The following SUGP1 variants were observed in gnomAD, a reference collection of about 807,000 sequenced individuals.
The protein encoded by SUGP1 is SURP and G-patch domain containing 1.
In SUGP1, 34 loss-of-function variants were observed where a neutral mutation model predicts 76.5. That is an observed-to-expected ratio of 0.44 (90% CI 0.34 to 0.59). The LOEUF (loss-of-function observed/expected upper bound fraction) is 0.59, where lower values mean the gene tolerates loss of function less well. Among genes scored for constraint, SUGP1 ranks in the 20% least tolerant of loss-of-function variants. SUGP1 has a pLI of 0.01. For missense variants in SUGP1, 752 were observed against 851.7 expected, an observed-to-expected ratio of 0.88 and a Z score of 1.46; for synonymous variants, 326 against 326.2, an observed-to-expected ratio of 1.00 and a Z score of 0.01.
chr19:19,318,866 T>C (rs988527082), intron 1 of SUGP1, among the ~76,000 whole-genome samples: 1 of 152,142 alleles, frequency 6.6e-6, no homozygotes, highest in African/African-American at 2.4e-5. Flanking sequence ...AGGGTGATAG[T>C]ATGGAGACAG....
chr19:19,296,363 C>T (rs1338297397), intron 8 of SUGP1, among the ~76,000 whole-genome samples: 1 of 151,068 alleles, frequency 6.6e-6, no homozygotes, highest in Non-Finnish European at 1.5e-5. Context: ...CGAAACCAGC[C>T]TGGCCAACAT....
At chr19:19,278,058 C>A (rs184407677) in intron 11 of SUGP1, among the ~76,000 whole-genome samples, 179 bp from the exon 12 acceptor site, 1 of 152,162 alleles carries the variant, frequency 6.6e-6, no homozygotes, top group Non-Finnish European at 1.5e-5. Flanking sequence ...TCAGGGTCCC[C>A]GGGGCCTTAG....
rs746161608 is a variant in SUGP1, at chr19:19,303,921, C to G, written c.539-74G>C. The G allele has an allele frequency of 6.8e-6, 11 of 1,606,844 alleles. No homozygotes were observed. The African/African-American group carries it at 1.2e-4, about 18-fold the overall frequency. On this transcript the variant is annotated intron_variant, in intron 4 of 13. Transcript: ENST00000247001. ...CAATAGGCACACTCTCTCTATGGAC[C>G]ACAACGACAGAGGGGGTGGGGGGAG...
At chr19:19,286,423 T>A (rs540043491) in intron 8 of SUGP1, among the ~76,000 whole-genome samples, 2 of 152,308 alleles carry the variant, frequency 1.3e-5, no homozygotes, top group East Asian at 3.9e-4. Context: ...GGAAAGGCCA[T>A]CAAGCCTGAA....
At chr19:19,308,900 C>T (rs2061335143) in intron 3 of SUGP1, among the ~76,000 whole-genome samples, 3 of 151,584 alleles carry the variant, frequency 2.0e-5, no homozygotes, top group South Asian at 4.2e-4. Flanking sequence ...AAGTCTCGCT[C>T]TTGTCCCCCA....
At chr19:19,307,049 C>CTT (rs955672648) in intron 3 of SUGP1, among the ~76,000 whole-genome samples, 2 of 145,794 alleles carry the variant, frequency 1.4e-5, no homozygotes, top group Admixed American at 6.9e-5. Flanking sequence ...GGGACCTCAT[C>CTT]TTTTTTTTTT....
At position 19,310,137 on chromosome 19, in the gene SUGP1, C is replaced by T. The variant is rs772373834; in HGVS notation, c.270G>A (p.Leu90=). 31 of 1,613,650 alleles carry T rather than the reference C, an allele frequency of 1.9e-5. No individual in the cohort carries two copies. In the Admixed American group the frequency reaches 4.3e-4, roughly 23 times the overall value. Residue 90 remains leucine (L), a synonymous_variant, in exon 3 of 14, where the codon TTG becomes TTA. Transcript: ENST00000247001. ...CCTTCTGCAACTTCAGAAACTGCTG[C>T]AAGAAGCTACCATCGTTGGCAAACT... is the stretch of plus-strand genomic sequence containing the variant. ...SNKFANDGSF[L]QQFLKLQKAQ...
chr19:19,291,776 C>T (rs1599853236), intron 8 of SUGP1, among the ~76,000 whole-genome samples: 1 of 151,802 alleles, frequency 6.6e-6, no homozygotes, highest in East Asian at 1.9e-4. Context: ...GCCTGTAGTC[C>T]TAGCTACTCA....
At chr19:19,293,772 A>C (rs775039692) in intron 8 of SUGP1, among the ~76,000 whole-genome samples, 7 of 152,216 alleles carry the variant, frequency 4.6e-5, no homozygotes, top group Non-Finnish European at 7.3e-5. Flanking sequence ...ACGGTACTAG[A>C]AGTCCTAGCC....
rs548249989 is a variant in SUGP1 at position 19,319,046 on chromosome 19, C to T, written c.34+1417G>A. 7.3e-5 allele frequency among the ~76,000 whole-genome samples: 8 copies of T among 109,620 alleles called. No individual in the cohort carries two copies. In the South Asian group the frequency reaches 2.0e-3, roughly 28 times the overall value. The allele number at this position is 109,620 out of a possible 152,430, so 71.9% of individuals were successfully genotyped here. On this transcript the variant is annotated intron_variant, in intron 1 of 13. Coordinates refer to ENST00000247001, the MANE Select transcript of SUGP1 (RefSeq NM_172231.4). ...CAGCCTGGCCAACATGGTGATACCC[C>T]GTCTCTACTAAAAATACACAAAAAC...
intron 8 of SUGP1, among the ~76,000 whole-genome samples, chr19:19,296,180 T>C (rs982658035): frequency 6.6e-6 from 1 of 151,466 alleles, no homozygotes; most frequent in African/African-American, 2.4e-5. Context: ...TAAAAAAAGG[T>C]GAGGATACAG....
chr19:19,283,706 G>A (rs1599846975), intron 8 of SUGP1, among the ~76,000 whole-genome samples: 1 of 152,126 alleles, frequency 6.6e-6, no homozygotes, highest in African/African-American at 2.4e-5. Context: ...CGCCCGCCTC[G>A]GCCTCCCAAA....
chr19:19,294,915 T>G (rs2061213530), intron 8 of SUGP1, among the ~76,000 whole-genome samples: 1 of 152,064 alleles, frequency 6.6e-6, no homozygotes, highest in South Asian at 2.1e-4. Context: ...TGAGAGAAAG[T>G]ATTTGCAAAT....
At chr19:19,310,030 C>T in intron 3 of SUGP1, 67 bp downstream of exon 3, 3 of 1,311,152 alleles carry the variant, frequency 2.3e-6, no homozygotes, top group South Asian at 2.4e-5. Flanking sequence ...CCATCACTTC[C>T]CATGTGCCCA....
At chr19:19,293,708 C>T (rs1422322922) in intron 8 of SUGP1, among the ~76,000 whole-genome samples, 1 of 152,188 alleles carries the variant, frequency 6.6e-6, no homozygotes, top group Admixed American at 6.6e-5. Flanking sequence ...GAAAGCTTTC[C>T]TCCTAAGATC....
Position 19,297,444 on chromosome 19 carries a change from A to G in SUGP1, c.888-100T>C, listed in dbSNP as rs1344619220. The stretch of plus-strand genomic sequence containing the variant: ...CTGGCCTTGTGTGCCCACGTTGGCC[A>G]GGGTCACTATATGGTCATGTCATAG... On this transcript the variant is annotated intron_variant, in intron 7 of 13. Transcript: ENST00000247001. 8 of 707,804 alleles carry G rather than the reference A, an allele frequency of 1.1e-5. No homozygotes were observed. The Admixed American group carries it at 2.7e-4, about 23-fold the overall frequency. The allele number at this position is 707,804 out of a possible 1,614,324, so 43.8% of individuals were successfully genotyped here. A position where few individuals can be genotyped will look rare whatever the true frequency, so the allele number is the denominator to read the frequency against.
intron 8 of SUGP1, among the ~76,000 whole-genome samples, chr19:19,292,913 CTT>C (rs954915757): frequency 6.8e-6 from 1 of 147,240 alleles, no homozygotes. Flanking sequence ...TATTTATTTA[CTT>C]TTTTTTTTTG....
chr19:19,293,348 C>T (rs2061200318), intron 8 of SUGP1, among the ~76,000 whole-genome samples: 1 of 151,994 alleles, frequency 6.6e-6, no homozygotes, highest in Non-Finnish European at 1.5e-5. Flanking sequence ...CTTTGGGAGG[C>T]CAAGGCAGGC....
intron 8 of SUGP1, among the ~76,000 whole-genome samples, chr19:19,283,063 T>A (rs1295209954): frequency 7.1e-6 from 1 of 140,494 alleles, no homozygotes; most frequent in Non-Finnish European, 1.5e-5. Context: ...GGCGACAGAG[T>A]GAGACTCCAT....
Sources: gnomAD v4.1 joint callset for allele counts (sites outside exome capture counted in the v4.1 genomes callset) on GRCh38, gnomAD v4.1.1 for gene constraint, MANE v1.5 for transcripts, NCBI Gene and HGNC (gene_info 2026-07-23, HGNC 2026-07-21) for gene names.